The following HSD17B11 variants were observed in gnomAD, a reference collection of about 807,000 sequenced individuals.
HSD17B11 encodes the protein hydroxysteroid 17-beta dehydrogenase 11, also known as estradiol 17-beta-dehydrogenase 11.
HSD17B11 carries 22 observed loss-of-function variants against 27.8 expected under a neutral mutation model. The observed-to-expected ratio is 0.79, with a 90% CI of 0.56 to 1.13. The LOEUF (loss-of-function observed/expected upper bound fraction) is 1.13. Ranked by LOEUF, HSD17B11 falls within the 50% of genes most tolerant of loss-of-function variation. The pLI, the probability that HSD17B11 is intolerant of heterozygous loss-of-function variation, is 0.00. For synonymous variants in HSD17B11, 117 were observed against 132.8 expected, an observed-to-expected ratio of 0.88 and a Z score of 0.82; for missense variants, 314 against 351.1, an observed-to-expected ratio of 0.89 and a Z score of 0.84.
At chr4:87,388,759 A>G (rs1324857494) in intron 1 of HSD17B11, among the ~76,000 whole-genome samples, 1 of 152,244 alleles carries the variant, frequency 6.6e-6, no homozygotes, top group Admixed American at 6.5e-5. Context: ...CTGCATTAGA[A>G]CAGTGCCTAA....
intron 2 of HSD17B11, among the ~76,000 whole-genome samples, chr4:87,378,937 T>TAA (rs1720043879): frequency 4.2e-5 from 1 of 24,052 alleles, no homozygotes; most frequent in African/African-American, 3.0e-4. Context: ...TAAATATATA[T>TAA]ATATATATAT....
At chr4:87,360,627 T>C (rs1735492219) in intron 4 of HSD17B11, among the ~76,000 whole-genome samples, 1 of 151,902 alleles carries the variant, frequency 6.6e-6, no homozygotes. Context: ...TGAAGTGATG[T>C]TTTTTTTCCC....
chr4:87,376,990 T>A (rs1735839671), intron 2 of HSD17B11, among the ~76,000 whole-genome samples: 1 of 150,714 alleles, frequency 6.6e-6, no homozygotes, highest in Non-Finnish European at 1.5e-5. Context: ...ATTAGGTGAG[T>A]GTGGTGGTGG....
At chr4:87,353,947 C>T (rs72875519) in intron 5 of HSD17B11, among the ~76,000 whole-genome samples, 25,718 of 152,090 alleles carry the variant, frequency 0.17, 2,459 homozygotes, top group African/African-American at 0.26. Flanking sequence ...TCCTCAGATC[C>T]ATTTCCCAAC....
At chr4:87,386,944 A>G (rs1227087768) in intron 1 of HSD17B11, 1 of 152,236 alleles carries the variant, frequency 6.6e-6, no homozygotes, top group Non-Finnish European at 1.5e-5. Flanking sequence ...GCATGATCCC[A>G]CTACTGAACA....
intron 5 of HSD17B11, among the ~76,000 whole-genome samples, chr4:87,342,568 G>A (rs1735190320): frequency 4.6e-5 from 7 of 151,720 alleles, no homozygotes; most frequent in Admixed American, 4.6e-4. Flanking sequence ...AACAAAACTG[G>A]ATGAAATTCT....
chr4:87,373,336 T>TA (rs11314228), intron 3 of HSD17B11: 16 of 148,460 alleles, frequency 1.1e-4, no homozygotes, highest in East Asian at 2.0e-4. Flanking sequence ...TGAGACTGTT[T>TA]AAAAAAAAAA....
At chr4:87,353,673 A>G (rs1460719740) in intron 5 of HSD17B11, among the ~76,000 whole-genome samples, 1 of 152,148 alleles carries the variant, frequency 6.6e-6, no homozygotes, top group Non-Finnish European at 1.5e-5. Context: ...GGCACTAGTA[A>G]GTTTTGTCAG....
Position 87,357,948 on chromosome 4 carries a change from A to ATTTTTTTTTTTTTTTTT in HSD17B11, c.558-533_558-532insAAAAAAAAAAAAAAAAA, listed in dbSNP as rs748955521. ...TTTGTAACTGAACATTCATTAGAGAAATTTTTTTTTTTTTTTTTTTTTTTT... is the reference window on the plus strand; with the variant it reads ...TTTGTAACTGAACATTCATTAGAGAATTTTTTTTTTTTTTTTTATTTTTTTTTTTTTTTTTTTTTTTT... On this transcript the variant is annotated intron_variant, in intron 4 of 6. Transcript: ENST00000358290. Among the ~76,000 whole-genome samples, 32 of 97,308 alleles carry ATTTTTTTTTTTTTTTTT rather than the reference A, an allele frequency of 3.3e-4. 4 individuals are homozygous for ATTTTTTTTTTTTTTTTT. The highest frequency in any genetic ancestry group is 7.0e-4 in the East Asian group (2 of 2,866). 63.8% of individuals were successfully genotyped at this position (97,308 alleles called of 152,430 possible).
At chr4:87,343,547 C>CT (rs11369073) in intron 5 of HSD17B11, among the ~76,000 whole-genome samples, 63,504 of 125,418 alleles carry the variant, frequency 0.51, 16,784 homozygotes, top group Non-Finnish European at 0.55. Context: ...CATTTCAACT[C>CT]TTTTTTTTTT....
At chr4:87,376,909 C>T (rs1040606435) in intron 2 of HSD17B11, among the ~76,000 whole-genome samples, 1 of 151,960 alleles carries the variant, frequency 6.6e-6, no homozygotes, top group Non-Finnish European at 1.5e-5. Flanking sequence ...GTGGGTGGAT[C>T]ACTTGAGGCC....
Position 87,372,703 on chromosome 4 carries a change from A to G in HSD17B11, c.557+6T>C. On this transcript the variant is annotated splice_donor_region_variant and intron_variant, in intron 4 of 6. Coordinates refer to ENST00000358290, the MANE Select transcript of HSD17B11 (RefSeq NM_016245.5). ...GAACCAATGAAGGAAACACATGTTCACATACCAGTAAGCCAGTAAGAAGGG... is the reference window on the plus strand; with the variant it reads ...GAACCAATGAAGGAAACACATGTTCGCATACCAGTAAGCCAGTAAGAAGGG... 2.6e-6 allele frequency: 4 copies of G among 1,558,720 alleles called. No homozygotes were observed. The highest frequency in any genetic ancestry group is 1.4e-5 in the African/African-American group (1 of 73,440).
At chr4:87,381,941 G>A (rs1241454367) in intron 2 of HSD17B11, among the ~76,000 whole-genome samples, 1 of 152,132 alleles carries the variant, frequency 6.6e-6, no homozygotes, top group East Asian at 1.9e-4. Flanking sequence ...TGGGTGAGAT[G>A]AAGGCGCATG....
chr4:87,365,724 TA>T (rs1181736432), intron 4 of HSD17B11, among the ~76,000 whole-genome samples: 1 of 140,684 alleles, frequency 7.1e-6, no homozygotes, highest in Non-Finnish European at 1.5e-5. Flanking sequence ...GCAAGGTGTA[TA>T]AAAAAGGTGA....
At chr4:87,360,916 TTTAAA>T (rs1735500178) in intron 4 of HSD17B11, among the ~76,000 whole-genome samples, 1 of 152,314 alleles carries the variant, frequency 6.6e-6, no homozygotes, top group South Asian at 2.1e-4. Context: ...CATATATTAT[TTTAAA>T]TTAAGAGCCA....
chr4:87,361,100 A>T (rs946013712), intron 4 of HSD17B11, among the ~76,000 whole-genome samples: 1 of 152,216 alleles, frequency 6.6e-6, no homozygotes, highest in African/African-American at 2.4e-5. Flanking sequence ...CTGTATTCCC[A>T]GATGGTTAAG....
In HSD17B11 at chr4:87,374,761, A is replaced by G. The variant is rs769217596; in HGVS notation, c.388T>C (p.Phe130Leu). The change falls in exon 3 of 7, where the codon TTT becomes CTT. Residue 130 changes from phenylalanine to leucine, a missense_variant. Phe to Leu is a conservative substitution (Grantham distance 22). Coordinates refer to ENST00000358290, the MANE Select transcript of HSD17B11 (RefSeq NM_016245.5). ...NAGVVYTSDL[F>L]ATQDPQIEKT... ...TCAATCTGAGGATCTTGTGTAGCAA[A>G]CAAATCTGATGTATAGACTACACCA... The G allele has an allele frequency of 6.2e-7, 1 of 1,608,454 alleles. No individual in the cohort carries two copies. Among genetic ancestry groups the G allele is most frequent in the Non-Finnish European group, 8.5e-7 (1 of 1,177,344 alleles).
At chr4:87,386,196 T>C (rs1720313098) in intron 1 of HSD17B11, among the ~76,000 whole-genome samples, 1 of 144,682 alleles carries the variant, frequency 6.9e-6, no homozygotes, top group Non-Finnish European at 1.5e-5. Context: ...ACCTTCTGAA[T>C]TGTGAAACTT....
chr4:87,389,220 T>A (rs1053046072), intron 1 of HSD17B11, among the ~76,000 whole-genome samples: 7 of 152,112 alleles, frequency 4.6e-5, no homozygotes, highest in East Asian at 1.9e-4. Context: ...TAATTTAATT[T>A]AATTAATTTA....
Sources: allele counts gnomAD v4.1 joint callset (sites outside exome capture counted in the v4.1 genomes callset), GRCh38; gene constraint gnomAD v4.1.1; transcripts MANE v1.5; gene names NCBI Gene and HGNC (gene_info 2026-07-23, HGNC 2026-07-21).